DCTN4: variants seen among roughly 807,000 people sequenced by gnomAD.
DCTN4 encodes dynactin subunit 4.
Under a neutral mutation model 62.7 loss-of-function variants are expected in DCTN4, and 23 were observed. The ratio of observed to expected loss-of-function variants is 0.37; its 90% CI spans 0.26 to 0.52. The LOEUF is 0.52. DCTN4 is among the 20% of genes least tolerant of loss of function. The pLI is 0.92. For missense variants in DCTN4, 514 were observed against 580.4 expected, an observed-to-expected ratio of 0.89 and a Z score of 1.18; for synonymous variants, 199 against 202.1, an observed-to-expected ratio of 0.98 and a Z score of 0.13.
chr5:150,723,719 T>C (rs991839943), intron 8 of DCTN4, among the ~76,000 whole-genome samples: 1 of 152,224 alleles, frequency 6.6e-6, no homozygotes, highest in African/African-American at 2.4e-5. Flanking sequence ...AGGTGTCCAG[T>C]GTAAAGATTA....
chr5:150,726,128 G>A (rs1404689872), intron 8 of DCTN4, among the ~76,000 whole-genome samples: 1 of 151,970 alleles, frequency 6.6e-6, no homozygotes, highest in Non-Finnish European at 1.5e-5. Context: ...CTAAATATAA[G>A]GGATCATCTG....
At chr5:150,749,264 C>T (rs1293656591) in intron 3 of DCTN4, among the ~76,000 whole-genome samples, 2 of 151,940 alleles carry the variant, frequency 1.3e-5, no homozygotes, top group Non-Finnish European at 2.9e-5. Flanking sequence ...TTTAAAAAAC[C>T]AAATCAAAAC....
At chr5:150,725,636 AT>A in intron 8 of DCTN4, among the ~76,000 whole-genome samples, 1 of 152,198 alleles carries the variant, frequency 6.6e-6, no homozygotes, top group East Asian at 1.9e-4. Flanking sequence ...TATATACTGT[AT>A]AGCTAAGCAC....
intron 5 of DCTN4, among the ~76,000 whole-genome samples, chr5:150,732,308 C>T (rs560542333): frequency 3.4e-4 from 52 of 152,276 alleles, no homozygotes; most frequent in African/African-American, 1.1e-3. Context: ...CGCCACCATG[C>T]CCAGCTAATT....
At chr5:150,727,832 G>A (rs1483798596) in intron 8 of DCTN4, among the ~76,000 whole-genome samples, 1 of 143,892 alleles carries the variant, frequency 6.9e-6, no homozygotes, top group Non-Finnish European at 1.5e-5. Context: ...TGATTTTTTT[G>A]TAATTGGAGA....
At chr5:150,750,410 G>A (rs1209189647) in intron 3 of DCTN4, among the ~76,000 whole-genome samples, 3 of 152,114 alleles carry the variant, frequency 2.0e-5, no homozygotes. Context: ...AATCATTTTG[G>A]AGTGCTAAGG....
chr5:150,750,068 G>T (rs1752619996), intron 3 of DCTN4, among the ~76,000 whole-genome samples: 1 of 152,164 alleles, frequency 6.6e-6, no homozygotes, highest in Non-Finnish European at 1.5e-5. Context: ...CAGGGGCCGG[G>T]AGGTTGGGGG....
chr5:150,714,568 G>C (rs1436546901), intron 12 of DCTN4, among the ~76,000 whole-genome samples: 1 of 133,518 alleles, frequency 7.5e-6, no homozygotes, highest in African/African-American at 4.1e-5. Context: ...TGTAGAGACG[G>C]AGTCTTAACT....
Position 150,753,527 on chromosome 5 carries a change from A to G in DCTN4, c.337T>C (p.Phe113Leu), listed in dbSNP as rs970688016. ...MKKAYYLACG[F>L]CRWTSRDVGM... Reference sequence around the variant, plus strand: ...ACATCTCTAGACGTCCAGCGACAAAATCCACATGCCAGGTAATAGGCTTTC... The same window carrying G: ...ACATCTCTAGACGTCCAGCGACAAAGTCCACATGCCAGGTAATAGGCTTTC... The change falls in exon 3 of 13, where the codon TTT (phenylalanine) becomes CTT (leucine). Residue 113 changes from phenylalanine to leucine, a missense_variant. Coordinates refer to ENST00000447998, the MANE Select transcript of DCTN4 (RefSeq NM_016221.4). The G allele has an allele frequency of 4.3e-6, 7 of 1,614,166 alleles. No individual in the cohort carries two copies. Among genetic ancestry groups the G allele is most frequent in the Non-Finnish European group, 5.9e-6 (7 of 1,180,018 alleles).
intron 1 of DCTN4, among the ~76,000 whole-genome samples, chr5:150,757,603 G>A (rs1200935065): frequency 6.6e-6 from 1 of 152,146 alleles, no homozygotes; most frequent in African/African-American, 2.4e-5. Flanking sequence ...TGGAGGTGGA[G>A]CTGGAATAGG....
Position 150,730,742 on chromosome 5 carries a change from T to G in DCTN4, c.725-2A>C. On this transcript the variant is annotated splice_acceptor_variant, in intron 7 of 12. Transcript: ENST00000447998. LOFTEE classifies it high-confidence loss of function. ...ACAGACGCTGCTGAAGGGTTGTTAC[T>G]AGAAAGAAAGGCAGAAAACAGGCTT... is the stretch of plus-strand genomic sequence containing the variant. 2 of 1,613,386 alleles carry G rather than the reference T, an allele frequency of 1.2e-6. No homozygotes were observed. Among genetic ancestry groups the G allele is most frequent in the African/African-American group, 1.3e-5 (1 of 75,040 alleles).
At position 150,753,459 on chromosome 5, in the gene DCTN4, T is replaced by C. The variant is rs757651992; in HGVS notation, c.385+20A>G. ...ACTGTCAATTGTACAAAATTTCATATTGAAGTCCATCTCACTCACCTACAG... is the reference window on the plus strand; with the variant it reads ...ACTGTCAATTGTACAAAATTTCATACTGAAGTCCATCTCACTCACCTACAG... On this transcript the variant is annotated intron_variant, in intron 3 of 12. Transcript: ENST00000447998. 3.1e-6 allele frequency: 5 copies of C among 1,607,460 alleles called. No individual in the cohort carries two copies. The highest frequency in any genetic ancestry group is 1.3e-5 in the African/African-American group (1 of 74,914).
rs1005024637 is a variant in DCTN4, at chr5:150,709,358, C to T, written c.*1791G>A. The T allele has an allele frequency of 2.6e-5, 4 of 152,328 alleles. No individual in the cohort carries two copies. Among genetic ancestry groups the T allele is most frequent in the South Asian group, 2.1e-4 (1 of 4,836 alleles). 9.4% of individuals were successfully genotyped at this position (152,328 alleles called of 1,614,324 possible). A position where few individuals can be genotyped will look rare whatever the true frequency, so the allele number is the denominator to read the frequency against. On this transcript the variant is annotated 3_prime_UTR_variant, in exon 13 of 13. Transcript: ENST00000447998. ...ATGACATGTGTGTAGTCTATGCAAA[C>T]GTGTAAACATATGAAGCTATTCTCT...
intron 10 of DCTN4, 130 bp downstream of exon 10, chr5:150,719,586 C>T: frequency 3.0e-6 from 2 of 676,968 alleles, no homozygotes; most frequent in South Asian, 1.8e-5. Flanking sequence ...CTTTATTATC[C>T]CAAACTGTCT....
chr5:150,756,636 C>T (rs1313872054), intron 1 of DCTN4, 149 bp from the exon 2 acceptor site: 8 of 257,296 alleles, frequency 3.1e-5, no homozygotes, highest in Admixed American at 2.7e-4. Flanking sequence ...TCTTCAGTCA[C>T]CTGTTTTTTT....
rs1171325427 is a variant in DCTN4 at position 150,748,017 on chromosome 5, G to A, written c.385+5462C>T. ...AGTGAACAGGCAACCTACAAAATGGGAGAAAATTTTCGCAACCTACTCATC... is the reference window on the plus strand; with the variant it reads ...AGTGAACAGGCAACCTACAAAATGGAAGAAAATTTTCGCAACCTACTCATC... On this transcript the variant is annotated intron_variant, in intron 3 of 12. Transcript: ENST00000447998. Among the ~76,000 whole-genome samples, 314 of 147,512 alleles carry A rather than the reference G, an allele frequency of 2.1e-3. 1 individual carries two copies. Among genetic ancestry groups the A allele is most frequent in the Non-Finnish European group, 3.7e-3 (251 of 66,994 alleles).
chr5:150,716,444 T>C, intron 11 of DCTN4, among the ~76,000 whole-genome samples: 1 of 152,210 alleles, frequency 6.6e-6, no homozygotes, highest in Non-Finnish European at 1.5e-5. Context: ...AGACTTATGT[T>C]GTAATTAGGC....
In DCTN4 at chr5:150,711,360, A is replaced by G. The variant is rs753890745; in HGVS notation, c.1172T>C (p.Ile391Thr). Residue 391 changes from isoleucine to threonine, a missense_variant and splice_region_variant, in exon 13 of 13, where the codon ATT (isoleucine) becomes ACT (threonine). Transcript: ENST00000447998. ...EPQDFQDDPD[I>T]IAFRKANKVG... is the part of the protein sequence containing the mutation. ...TTTGTTGGCCTTTCTGAAGGCTATA[A>G]TGCTATGGAAAGAAAAAAAAGCAAG... 1 of 1,612,218 alleles carries G rather than the reference A, an allele frequency of 6.2e-7. No homozygotes were observed. Among genetic ancestry groups the G allele is most frequent in the Non-Finnish European group, 8.5e-7 (1 of 1,179,660 alleles).
intron 8 of DCTN4, among the ~76,000 whole-genome samples, chr5:150,729,627 A>G (rs1170579685): frequency 1.5e-5 from 2 of 136,522 alleles, no homozygotes; most frequent in African/African-American, 6.4e-5. Context: ...TTTTTTTTTA[A>G]GAGACAGGGT....
Sources: allele counts gnomAD v4.1 joint callset (sites outside exome capture counted in the v4.1 genomes callset), GRCh38; gene constraint gnomAD v4.1.1; transcripts MANE v1.5; gene names NCBI Gene and HGNC (gene_info 2026-07-23, HGNC 2026-07-21).